Variants in EFCAB8 observed in about 807,000 individuals in gnomAD.
EFCAB8 encodes the protein EF-hand calcium-binding domain-containing protein 8.
EFCAB8 carries 100 observed loss-of-function variants against 116.3 expected under a neutral mutation model. That is an observed-to-expected ratio of 0.86 (90% CI 0.73 to 1.02). The LOEUF is 1.02. Among genes scored for constraint, EFCAB8 ranks in the 50% least tolerant of loss-of-function variants. EFCAB8 has a pLI of 0.00. For missense variants in EFCAB8, 1,320 were observed against 1,416.9 expected (o/e 0.93, Z 1.10); for synonymous variants, 558 against 567.9 (o/e 0.98, Z 0.25).
intron 6 of EFCAB8, among the ~76,000 whole-genome samples, chr20:32,887,285 A>G (rs1208048723): frequency 6.6e-6 from 1 of 152,232 alleles, no homozygotes; most frequent in Non-Finnish European, 1.5e-5. Context: ...TTCAAAGAGT[A>G]AAATACAGCG....
intron 5 of EFCAB8, among the ~76,000 whole-genome samples, chr20:32,882,180 A>G (rs1369101562): frequency 6.6e-6 from 1 of 152,170 alleles, no homozygotes; most frequent in Non-Finnish European, 1.5e-5. Flanking sequence ...CCTGGGCAAC[A>G]AGAATGAAAA....
Position 32,906,927 on chromosome 20 carries a change from C to G in EFCAB8, c.1241C>G (p.Thr414Ser). 1 of 1,549,966 alleles carries G rather than the reference C, an allele frequency of 6.5e-7. No individual in the cohort carries two copies. Among genetic ancestry groups the G allele is most frequent in the Non-Finnish European group, 8.7e-7 (1 of 1,146,122 alleles). The change falls in exon 13 of 27, where the codon ACC becomes AGC. Residue 414 changes from threonine (T) to serine (S), a missense_variant. Transcript: ENST00000400522. The stretch of plus-strand genomic sequence containing the variant: ...GTGTGGCTGATGAAGGGACACCAGA[C>G]CTCAGTGACGCACATCCTTGTGGAT... ...RPVWLMKGHQ[T>S]SVTHILVDSR... is the part of the protein sequence containing the mutation.
intron 22 of EFCAB8, among the ~76,000 whole-genome samples, chr20:32,937,617 G>T (rs1988170018): frequency 6.6e-6 from 1 of 151,330 alleles, no homozygotes; most frequent in African/African-American, 2.5e-5. Flanking sequence ...AATATTTAAA[G>T]ATTTTTCTTT....
At chr20:32,890,909 A>G (rs971978281) in intron 7 of EFCAB8, among the ~76,000 whole-genome samples, 2 of 152,250 alleles carry the variant, frequency 1.3e-5, no homozygotes, top group Admixed American at 6.5e-5. Flanking sequence ...CATAGTGGGC[A>G]GTTAATCAAC....
At chr20:32,947,399 C>A (rs1002706645) in intron 23 of EFCAB8, among the ~76,000 whole-genome samples, 1 of 152,164 alleles carries the variant, frequency 6.6e-6, no homozygotes, top group African/African-American at 2.4e-5. Context: ...CATAAACAAA[C>A]ATTATTTTTA....
At chr20:32,886,830 AC>A (rs1276673903) in intron 6 of EFCAB8, among the ~76,000 whole-genome samples, 1 of 152,264 alleles carries the variant, frequency 6.6e-6, no homozygotes, top group East Asian at 1.9e-4. Flanking sequence ...GCCTCCCAGG[AC>A]CACACACCCA....
chr20:32,941,910 ATTCT>A (rs911896072), intron 22 of EFCAB8, among the ~76,000 whole-genome samples: 2 of 152,236 alleles, frequency 1.3e-5, no homozygotes. Context: ...TGGTACAAAT[ATTCT>A]TTTTCACAAA....
intron 24 of EFCAB8, among the ~76,000 whole-genome samples, chr20:32,959,200 G>T (rs1378519673): frequency 6.6e-6 from 1 of 152,218 alleles, no homozygotes; most frequent in Non-Finnish European, 1.5e-5. Flanking sequence ...CAGGGAGGTG[G>T]ACATGCAAAC....
In EFCAB8 at chr20:32,906,830, G is replaced by A. The variant is rs1050200795; in HGVS notation, c.1157-13G>A. 16 of 1,338,706 alleles carry A rather than the reference G, an allele frequency of 1.2e-5. No homozygotes were observed. Among genetic ancestry groups the A allele is most frequent in the African/African-American group, 5.8e-5 (4 of 68,814 alleles). 82.9% of individuals were successfully genotyped at this position (1,338,706 alleles called of 1,614,324 possible). A position where few individuals can be genotyped will look rare whatever the true frequency, so the allele number is the denominator to read the frequency against. On this transcript the variant is annotated splice_polypyrimidine_tract_variant and intron_variant, in intron 12 of 26. Transcript: ENST00000400522. ...GGAGGCCCCTGGGACTGACACCCAC[G>A]TCTTGACCACAGTGACTGGTGGCTA... is the stretch of plus-strand genomic sequence containing the variant.
intron 9 of EFCAB8, among the ~76,000 whole-genome samples, chr20:32,893,539 T>G (rs1414091270): frequency 6.6e-6 from 1 of 152,164 alleles, no homozygotes; most frequent in African/African-American, 2.4e-5. Flanking sequence ...TGGGAGGCTG[T>G]GCGGGTGCGG....
chr20:32,874,122 T>C (rs908822127), intron 3 of EFCAB8, among the ~76,000 whole-genome samples: 1 of 151,078 alleles, frequency 6.6e-6, no homozygotes, highest in Non-Finnish European at 1.5e-5. Flanking sequence ...GGTTTCACCA[T>C]GTTGCCCAGC....
intron 3 of EFCAB8, among the ~76,000 whole-genome samples, chr20:32,868,015 CT>C (rs57768611): frequency 1.0e-4 from 15 of 147,570 alleles, no homozygotes; most frequent in Middle Eastern, 3.5e-3. Flanking sequence ...TAAAATTTTT[CT>C]TTTTTTTTTA....
chr20:32,899,782 C>T (rs1986343735), intron 11 of EFCAB8, among the ~76,000 whole-genome samples: 1 of 152,124 alleles, frequency 6.6e-6, no homozygotes, highest in South Asian at 2.1e-4. Context: ...CTGTGTTGGT[C>T]AGGCTGGTCT....
At chr20:32,898,322 G>A in intron 10 of EFCAB8, 171 bp from the exon 11 acceptor site, 1 of 557,352 alleles carries the variant, frequency 1.8e-6, no homozygotes, top group Non-Finnish European at 3.2e-6. Flanking sequence ...GCTGGTCATA[G>A]GACCTGGGCT....
chr20:32,929,437 C>A (rs1311772415), intron 20 of EFCAB8, among the ~76,000 whole-genome samples: 2 of 150,038 alleles, frequency 1.3e-5, no homozygotes, highest in African/African-American at 2.5e-5. Flanking sequence ...CTTTTCTTTT[C>A]TTTCTTTTCT....
At position 32,906,929 on chromosome 20, in the gene EFCAB8, T is replaced by G; in HGVS notation, c.1243T>G (p.Ser415Ala). ...PVWLMKGHQT[S>A]VTHILVDSRN... ...GTGGCTGATGAAGGGACACCAGACC[T>G]CAGTGACGCACATCCTTGTGGATAG... Residue 415 changes from serine (S) to alanine (A), a missense_variant, in exon 13 of 27, where the codon TCA becomes GCA. Coordinates refer to ENST00000400522, the MANE Select transcript of EFCAB8 (RefSeq NM_001143967.2). 4.5e-6 allele frequency: 7 copies of G among 1,549,840 alleles called. No individual in the cohort carries two copies. Among genetic ancestry groups the G allele is most frequent in the Non-Finnish European group, 5.2e-6 (6 of 1,146,050 alleles).
intron 5 of EFCAB8, 110 bp from the exon 6 acceptor site, chr20:32,885,395 G>A (rs1269881537): frequency 2.1e-6 from 3 of 1,432,688 alleles, no homozygotes; most frequent in African/African-American, 1.4e-5. Context: ...TGTGCGTGAC[G>A]CTCCGCCGGC....
chr20:32,877,700 T>C (rs1210950072), intron 4 of EFCAB8, among the ~76,000 whole-genome samples: 1 of 152,226 alleles, frequency 6.6e-6, no homozygotes, highest in Non-Finnish European at 1.5e-5. Context: ...GCCTTGGCCA[T>C]GTTTTCCAGC....
At position 32,938,191 on chromosome 20, in the gene EFCAB8, A is replaced by G. The variant is rs1424966324; in HGVS notation, c.2791-5445A>G. ...TCAATTAATGTAATACACCATATTA[A>G]CTGAATAAAAAACAAAAGCCATATG... On this transcript the variant is annotated intron_variant, in intron 22 of 26. Coordinates refer to ENST00000400522, the MANE Select transcript of EFCAB8 (RefSeq NM_001143967.2). Among the ~76,000 whole-genome samples the G allele has an allele frequency of 3.3e-5, 5 of 150,148 alleles. 1 individual carries two copies. The East Asian group carries it at 9.7e-4, about 29-fold the overall frequency.
Sources: gnomAD v4.1 joint callset for allele counts (sites outside exome capture counted in the v4.1 genomes callset) on GRCh38, gnomAD v4.1.1 for gene constraint, MANE v1.5 for transcripts, NCBI Gene and HGNC (gene_info 2026-07-23, HGNC 2026-07-21) for gene names.